COL28A1: variants seen among roughly 807,000 people sequenced by gnomAD.
COL28A1 encodes collagen type XXVIII alpha 1 chain, also known as collagen alpha-1(XXVIII) chain.
In COL28A1, 161 loss-of-function variants were observed where a neutral mutation model predicts 150.2. That is an observed-to-expected ratio of 1.07 (90% confidence interval 0.94 to 1.22). The LOEUF is 1.22. COL28A1 is among the 50% of genes most tolerant of loss of function. The probability of loss-of-function intolerance (pLI) is 0.00; values close to 1 mark genes in which losing one functional copy is unlikely to be tolerated. For synonymous variants in COL28A1, 552 were observed against 469.7 expected (o/e 1.18, Z -2.26); for missense variants, 1,617 against 1,388.3 (o/e 1.16, Z -2.62).
At chr7:7,477,671 C>G (rs926334377) in intron 13 of COL28A1, among the ~76,000 whole-genome samples, 29 of 152,144 alleles carry the variant, frequency 1.9e-4, no homozygotes, top group African/African-American at 7.0e-4. Context: ...TGCAGACCTT[C>G]GCAGTGAATG....
At position 7,482,589 on chromosome 7, in the gene COL28A1, T is replaced by C. The variant is rs144626088; in HGVS notation, c.1165-5409A>G. The stretch of plus-strand genomic sequence containing the variant: ...ATAATGACATTTTGGTGCAACATTT[T>C]GATACATTATTTAGGAACTTTCCTA... On this transcript the variant is annotated intron_variant, in intron 13 of 34. Transcript: ENST00000399429. Among the ~76,000 whole-genome samples the C allele has an allele frequency of 4.6e-3, 701 of 152,222 alleles. 5 individuals are homozygous for C. The highest frequency in any genetic ancestry group is 0.022 in the East Asian group (113 of 5,178).
chr7:7,507,166 G>T lies in COL28A1; in HGVS notation c.928-5C>A. ...TCCATATGGCCCTGGGGATCCCTGT[G>T]GAATAAAATTGAAAATAAGTCTCTC... On this transcript the variant is annotated splice_polypyrimidine_tract_variant and splice_region_variant and intron_variant, in intron 9 of 34. Coordinates refer to ENST00000399429, the MANE Select transcript of COL28A1 (RefSeq NM_001037763.3). The T allele has an allele frequency of 8.4e-7, 1 of 1,187,410 alleles. No individual in the cohort carries two copies. Among genetic ancestry groups the T allele is most frequent in the African/African-American group, 1.5e-5 (1 of 66,498 alleles). The allele number at this position is 1,187,410 out of a possible 1,614,324, so 73.6% of individuals were successfully genotyped here. A position where few individuals can be genotyped will look rare whatever the true frequency, so the allele number is the denominator to read the frequency against.
In COL28A1 at chr7:7,465,397, C is replaced by T. The variant is rs1010230213; in HGVS notation, c.1302+9204G>A. On this transcript the variant is annotated intron_variant, in intron 15 of 34. Transcript: ENST00000399429. The stretch of plus-strand genomic sequence containing the variant: ...CACCCGAATATTGCGCTTTTCAGAC[C>T]GGCTTAAGAAACGGCGCACCACGAG... Among the ~76,000 whole-genome samples, 37 of 140,730 alleles carry T rather than the reference C, an allele frequency of 2.6e-4. 1 individual carries two copies. The highest frequency in any genetic ancestry group is 4.0e-4 in the Non-Finnish European group (26 of 64,598). The allele number at this position is 140,730 out of a possible 152,430, so 92.3% of individuals were successfully genotyped here.
At chr7:7,389,759 A>G (rs1377943188) in intron 27 of COL28A1, among the ~76,000 whole-genome samples, 3 of 152,130 alleles carry the variant, frequency 2.0e-5, no homozygotes, top group Non-Finnish European at 2.9e-5. Flanking sequence ...CTTTGTAGCA[A>G]TTGTGAATGG....
intron 21 of COL28A1, among the ~76,000 whole-genome samples, chr7:7,440,443 C>G (rs951809484): frequency 6.6e-5 from 10 of 152,234 alleles, no homozygotes; most frequent in African/African-American, 2.4e-4. Flanking sequence ...GCCTCTCACT[C>G]TCAGGCTTTT....
At position 7,381,608 on chromosome 7, in the gene COL28A1, TC is replaced by T. The variant is rs1781877772; in HGVS notation, c.2140del (p.Glu714AsnfsTer58). On this transcript the variant is annotated frameshift_variant, in exon 28 of 35. Coordinates refer to ENST00000399429, the MANE Select transcript of COL28A1 (RefSeq NM_001037763.3). LOFTEE classifies it high-confidence loss of function. The part of the protein sequence containing the change: ...PGYGSQGIKG[E>X]QGPQGFPGPK... ...GCCTGGGAAGCCTTGTGGTCCTTGTTCCCCCTACATAGGATATGAGAAAGAG... is the reference window on the plus strand; with the variant it reads ...GCCTGGGAAGCCTTGTGGTCCTTGTTCCCCTACATAGGATATGAGAAAGAG... The T allele has an allele frequency of 6.2e-7, 1 of 1,612,332 alleles. No homozygotes were observed.
At chr7:7,383,628 A>G (rs1392905758) in intron 27 of COL28A1, among the ~76,000 whole-genome samples, 1 of 147,466 alleles carries the variant, frequency 6.8e-6, no homozygotes, top group African/African-American at 2.5e-5. Context: ...TTATGCATCC[A>G]ATTTTTTAAA....
At chr7:7,516,012 C>T (rs1360640310) in intron 7 of COL28A1, among the ~76,000 whole-genome samples, 172 bp from the exon 8 acceptor site, 1 of 152,210 alleles carries the variant, frequency 6.6e-6, no homozygotes, top group Non-Finnish European at 1.5e-5. Context: ...GAGAAATATA[C>T]ATTTACTGAG....
At chr7:7,476,321 C>G (rs1361809867) in intron 14 of COL28A1, among the ~76,000 whole-genome samples, 1 of 152,066 alleles carries the variant, frequency 6.6e-6, no homozygotes, top group African/African-American at 2.4e-5. Context: ...TTAACATGCC[C>G]TTCAGCAAAT....
At chr7:7,484,274 T>G (rs1779507461) in intron 13 of COL28A1, among the ~76,000 whole-genome samples, 1 of 152,138 alleles carries the variant, frequency 6.6e-6, no homozygotes, top group African/African-American at 2.4e-5. Flanking sequence ...AAACCATGGT[T>G]GCCAGCAGAC....
downstream of COL28A1, among the ~76,000 whole-genome samples, chr7:7,355,535 G>A (rs1422824507): frequency 2.6e-5 from 4 of 152,146 alleles, no homozygotes; most frequent in South Asian, 2.1e-4. Flanking sequence ...ACTTGAGTCC[G>A]GGAGGTGGAG....
chr7:7,430,222 G>T (rs1024481550), intron 25 of COL28A1, among the ~76,000 whole-genome samples: 14 of 152,124 alleles, frequency 9.2e-5, no homozygotes, highest in African/African-American at 3.4e-4. Context: ...CGCCTCCCGG[G>T]TTCAAGCAAT....
At chr7:7,434,061 T>C (rs1383350360) in intron 23 of COL28A1, among the ~76,000 whole-genome samples, 1 of 152,238 alleles carries the variant, frequency 6.6e-6, no homozygotes. Flanking sequence ...ATTTTTTATA[T>C]ACTCTTTAAG....
chr7:7,454,023 T>C (rs1362621136), intron 16 of COL28A1, among the ~76,000 whole-genome samples: 1 of 152,154 alleles, frequency 6.6e-6, no homozygotes, highest in Non-Finnish European at 1.5e-5. Context: ...CTGAAGAAGG[T>C]TCAAACACTT....
Position 7,456,519 on chromosome 7 carries a change from C to T in COL28A1, c.1303-407G>A, listed in dbSNP as rs554012114. Among the ~76,000 whole-genome samples, 3 of 151,808 alleles carry T rather than the reference C, an allele frequency of 2.0e-5. No individual in the cohort carries two copies. The South Asian group carries it at 6.3e-4, about 32-fold the overall frequency. On this transcript the variant is annotated intron_variant, in intron 15 of 34. Transcript: ENST00000399429. ...AAATATTTTTAAATTTTCTAAATAC[C>T]CTTTCCCTCCAAATCTTATTGAAAA...
chr7:7,540,908 C>CTGACAGCCCACGTTTT, the COL28A1 span, among the ~76,000 whole-genome samples: 1 of 152,016 alleles, frequency 6.6e-6, no homozygotes, highest in Non-Finnish European at 1.5e-5. Context: ...ACTTCAATAA[C>CTGACAGCCCACGTTTT]TGATCCCTAA....
At chr7:7,482,748 G>C (rs1040600427) in intron 13 of COL28A1, among the ~76,000 whole-genome samples, 1 of 152,018 alleles carries the variant, frequency 6.6e-6, no homozygotes, top group East Asian at 1.9e-4. Flanking sequence ...AGAAAGACAG[G>C]TAATATACGT....
At chr7:7,441,695 AC>A (rs1210233628) in intron 20 of COL28A1, among the ~76,000 whole-genome samples, 1 of 152,150 alleles carries the variant, frequency 6.6e-6, no homozygotes, top group Admixed American at 6.5e-5. Flanking sequence ...GTAGGTCTGC[AC>A]TGAGGTCCAA....
At chr7:7,343,493 TTA>T in the COL28A1 span, among the ~76,000 whole-genome samples, 1 of 152,102 alleles carries the variant, frequency 6.6e-6, no homozygotes, top group Non-Finnish European at 1.5e-5. Context: ...GGCTGTTAAT[TTA>T]TGTGTTACTT....
Sources: gnomAD v4.1 joint callset for allele counts (sites outside exome capture counted in the v4.1 genomes callset) on GRCh38, gnomAD v4.1.1 for gene constraint, MANE v1.5 for transcripts, NCBI Gene and HGNC (gene_info 2026-07-23, HGNC 2026-07-21) for gene names.